RALGAPA1: variants seen among roughly 807,000 people sequenced by gnomAD.
RALGAPA1 encodes Ral GTPase activating protein catalytic subunit alpha 1.
Under a neutral mutation model 269.6 loss-of-function variants are expected in RALGAPA1, and 52 were observed. The observed-to-expected ratio is 0.19, with a 90% confidence interval of 0.15 to 0.24. The LOEUF is 0.24. Ranked by LOEUF, RALGAPA1 falls within the 10% of genes least tolerant of loss-of-function variation. The probability of loss-of-function intolerance (pLI) is 1.00; values close to 1 mark genes in which losing one functional copy is unlikely to be tolerated. For missense variants in RALGAPA1, 1,917 were observed against 3,013.9 expected (o/e 0.64, Z 8.52); for synonymous variants, 817 against 1,008.3 (o/e 0.81, Z 3.60).
rs374511437 is a variant in RALGAPA1 at position 35,759,107 on chromosome 14, C to T, written c.547+1722G>A. On this transcript the variant is annotated intron_variant, in intron 6 of 41. Coordinates refer to ENST00000680220, the MANE Select transcript of RALGAPA1 (RefSeq NM_001346249.2). ...GACCCTGTCTCACTCAAAAACAAAA[C>T]GCAACAAAACAAAAAACTTCAAAAT... Among the ~76,000 whole-genome samples, 20 of 152,174 alleles carry T rather than the reference C, an allele frequency of 1.3e-4. No individual in the cohort carries two copies. The South Asian group carries it at 1.5e-3, about 11-fold the overall frequency.
chr14:35,544,449 A>G (rs2054280188), intron 41 of RALGAPA1, among the ~76,000 whole-genome samples: 1 of 152,166 alleles, frequency 6.6e-6, no homozygotes, highest in Non-Finnish European at 1.5e-5. Flanking sequence ...CTGGGTAAGC[A>G]TTTTTTAATT....
intron 16 of RALGAPA1, among the ~76,000 whole-genome samples, chr14:35,708,735 C>G (rs117636555): frequency 0.018 from 2,693 of 152,272 alleles, 36 homozygotes; most frequent in Non-Finnish European, 0.026. Context: ...CCAGCAATCC[C>G]ACTCCTGGGT....
chr14:35,803,866 C>T (rs2077159675), intron 1 of RALGAPA1, among the ~76,000 whole-genome samples: 1 of 151,900 alleles, frequency 6.6e-6, no homozygotes, highest in African/African-American at 2.4e-5. Context: ...TCAAGTGAGC[C>T]ACCTGCCTCA....
chr14:35,562,749 T>C (rs762414777), intron 39 of RALGAPA1, among the ~76,000 whole-genome samples: 2 of 151,934 alleles, frequency 1.3e-5, no homozygotes, highest in African/African-American at 4.8e-5. Flanking sequence ...TGGCCGGGCG[T>C]GGTGGCTCAC....
chr14:35,556,300 T>C lies in RALGAPA1; in HGVS notation c.7497-7066A>G, dbSNP rs545360954. ...GTAATTAGTATCTCATGGACTAATA[T>C]ATAATATACACTGTTCATTTATAAG... On this transcript the variant is annotated intron_variant, in intron 39 of 41. Coordinates refer to ENST00000680220, the MANE Select transcript of RALGAPA1 (RefSeq NM_001346249.2). Among the ~76,000 whole-genome samples, 82 of 152,266 alleles carry C rather than the reference T, an allele frequency of 5.4e-4. 1 individual carries two copies. The highest frequency in any genetic ancestry group is 3.1e-4 in the African/African-American group (13 of 41,562).
At chr14:35,618,433 A>G (rs182685627) in intron 35 of RALGAPA1, among the ~76,000 whole-genome samples, 47 of 152,272 alleles carry the variant, frequency 3.1e-4, no homozygotes, top group African/African-American at 1.1e-3. Context: ...TCCTTTCCAT[A>G]TAAGAACTCC....
intron 13 of RALGAPA1, among the ~76,000 whole-genome samples, chr14:35,726,959 TAAG>T (rs894691636): frequency 6.6e-6 from 1 of 152,100 alleles, no homozygotes; most frequent in African/African-American, 2.4e-5. Context: ...AAGAATTAAG[TAAG>T]AAAATATGTG....
rs1026612728 is a variant in RALGAPA1 at position 35,671,241 on chromosome 14, C to G, written c.5202+148G>C. 4 of 564,254 alleles carry G rather than the reference C, an allele frequency of 7.1e-6. No homozygotes were observed. The African/African-American group carries it at 7.6e-5, about 11-fold the overall frequency. The allele number at this position is 564,254 out of a possible 1,614,324, so 35.0% of individuals were successfully genotyped here. A position where few individuals can be genotyped will look rare whatever the true frequency, so the allele number is the denominator to read the frequency against. On this transcript the variant is annotated intron_variant, in intron 26 of 41. Coordinates refer to ENST00000680220, the MANE Select transcript of RALGAPA1 (RefSeq NM_001346249.2). ...TAGTGCTTTCTTATATTTCAGATTT[C>G]TTGCTTACTTTTTTTAATGTAGGAG...
At chr14:35,670,379 TA>T (rs1199542126) in intron 26 of RALGAPA1, among the ~76,000 whole-genome samples, 2 of 152,220 alleles carry the variant, frequency 1.3e-5, no homozygotes, top group African/African-American at 2.4e-5. Context: ...AGTTAATTAT[TA>T]TTTTTCATTT....
At chr14:35,766,537 C>A in intron 4 of RALGAPA1, 1 of 1,022,922 alleles carries the variant, frequency 9.8e-7, no homozygotes. Context: ...ACATCAGAAG[C>A]AGCATCGAGT....
chr14:35,644,968 A>G (rs1046946095), intron 31 of RALGAPA1, among the ~76,000 whole-genome samples: 11 of 152,198 alleles, frequency 7.2e-5, no homozygotes, highest in African/African-American at 1.9e-4. Context: ...TTTAATACTT[A>G]TAATTAGATA....
At chr14:35,679,294 T>C (rs921458602) in intron 21 of RALGAPA1, among the ~76,000 whole-genome samples, 5 of 152,208 alleles carry the variant, frequency 3.3e-5, no homozygotes, top group African/African-American at 1.2e-4. Flanking sequence ...TACCTCTTTC[T>C]ACACAGTAAA....
chr14:35,551,649 C>A (rs2055022592), intron 39 of RALGAPA1, among the ~76,000 whole-genome samples: 1 of 151,872 alleles, frequency 6.6e-6, no homozygotes, highest in Admixed American at 6.6e-5. Context: ...ATTTCTAAAG[C>A]AGGGGAGGAT....
At chr14:35,717,599 C>T (rs141840881) in intron 16 of RALGAPA1, among the ~76,000 whole-genome samples, 1 of 152,002 alleles carries the variant, frequency 6.6e-6, no homozygotes, top group Non-Finnish European at 1.5e-5. Context: ...TCTCGCTCTG[C>T]CTAGTGCAGT....
intron 4 of RALGAPA1, among the ~76,000 whole-genome samples, chr14:35,769,065 T>TATATATATATATATATATACAC (rs1237249622): frequency 2.6e-5 from 2 of 77,796 alleles, no homozygotes; most frequent in African/African-American, 9.2e-5. Context: ...TATATATATA[T>TATATATATATATATATATACAC]ACACACACAT....
chr14:35,782,054 A>T (rs2075470269), intron 1 of RALGAPA1, among the ~76,000 whole-genome samples: 1 of 152,222 alleles, frequency 6.6e-6, no homozygotes, highest in Non-Finnish European at 1.5e-5. Flanking sequence ...CTCATAAATG[A>T]CATGATCTTG....
chr14:35,554,694 A>G (rs1430239469), intron 39 of RALGAPA1, among the ~76,000 whole-genome samples: 4 of 152,126 alleles, frequency 2.6e-5, no homozygotes, highest in Non-Finnish European at 5.9e-5. Flanking sequence ...TCTTGGGGGC[A>G]GATTTGGTGG....
intron 1 of RALGAPA1, among the ~76,000 whole-genome samples, chr14:35,808,271 C>T (rs988222755): frequency 3.3e-5 from 5 of 152,118 alleles, no homozygotes; most frequent in Admixed American, 1.3e-4. Flanking sequence ...TGGGAACCGC[C>T]CACTTCCCAA....
chr14:35,612,918 A>AT (rs1419798605), intron 35 of RALGAPA1, among the ~76,000 whole-genome samples: 2 of 152,070 alleles, frequency 1.3e-5, no homozygotes, highest in African/African-American at 4.8e-5. Flanking sequence ...TCAAAATTAA[A>AT]TTTTTTGTGC....
Sources: allele counts gnomAD v4.1 joint callset (sites outside exome capture counted in the v4.1 genomes callset), GRCh38; gene constraint gnomAD v4.1.1; transcripts MANE v1.5; gene names NCBI Gene and HGNC (gene_info 2026-07-23, HGNC 2026-07-21).